PDE4D: variants seen among roughly 807,000 people sequenced by gnomAD.
The protein encoded by PDE4D is 3',5'-cyclic-AMP phosphodiesterase 4D.
Under a neutral mutation model 87.4 loss-of-function variants are expected in PDE4D, and 24 were observed. That is an observed-to-expected ratio of 0.27 (90% CI 0.20 to 0.39). The LOEUF is 0.39. Among genes scored for constraint, PDE4D ranks in the 10% least tolerant of loss-of-function variants. The pLI is 1.00. For synonymous variants in PDE4D, 384 were observed against 383.2 expected (o/e 1.00, Z -0.02); for missense variants, 714 against 1,041.0 (o/e 0.69, Z 4.32).
At chr5:59,418,113 T>C (rs1039413078) in intron 1 of PDE4D, among the ~76,000 whole-genome samples, 13 of 152,202 alleles carry the variant, frequency 8.5e-5, no homozygotes, top group African/African-American at 3.1e-4. Flanking sequence ...CTCCTTACTC[T>C]AGTCTTCTGG....
chr5:59,383,580 T>C (rs1786348299), intron 1 of PDE4D, among the ~76,000 whole-genome samples: 1 of 152,078 alleles, frequency 6.6e-6, no homozygotes. Flanking sequence ...TCCCTACCAC[T>C]CCATATAAGC....
intron 11 of PDE4D, among the ~76,000 whole-genome samples, chr5:58,983,570 G>GTAGTT (rs1380253021): frequency 6.6e-6 from 1 of 152,202 alleles, no homozygotes; most frequent in Non-Finnish European, 1.5e-5. Flanking sequence ...CAAAAGGAGA[G>GTAGTT]TAGTTAGTTA....
chr5:60,207,944 G>C (rs1742745020), intron 1 of PDE4D, among the ~76,000 whole-genome samples: 1 of 152,216 alleles, frequency 6.6e-6, no homozygotes, highest in Non-Finnish European at 1.5e-5. Context: ...CATTTCTGCT[G>C]CTGTGGGTAT....
chr5:59,385,748 G>A (rs1375183686), intron 1 of PDE4D, among the ~76,000 whole-genome samples: 1 of 152,130 alleles, frequency 6.6e-6, no homozygotes, highest in Non-Finnish European at 1.5e-5. Context: ...AACCCCAACT[G>A]AACCAGAAGA....
At chr5:60,258,057 C>T (rs140806039) in intron 1 of PDE4D, among the ~76,000 whole-genome samples, 56 of 152,100 alleles carry the variant, frequency 3.7e-4, no homozygotes, top group Admixed American at 6.6e-4. Flanking sequence ...ACTCGCCAGG[C>T]CTTGCTTTTG....
rs537985963 is a variant in PDE4D, at chr5:59,718,955, A to G, written c.455+174213T>C. On this transcript the variant is annotated intron_variant, in intron 1 of 14. Coordinates refer to ENST00000340635, the MANE Select transcript of PDE4D (RefSeq NM_001104631.2). Reference sequence around the variant, plus strand: ...TGAAAGGAGTTTAAATTGAAGTACAATAAAGGTACCTGCTCTCTTCTGTTA... The same window carrying G: ...TGAAAGGAGTTTAAATTGAAGTACAGTAAAGGTACCTGCTCTCTTCTGTTA... Among the ~76,000 whole-genome samples the G allele has an allele frequency of 2.0e-5, 3 of 152,202 alleles. No homozygotes were observed. The East Asian group carries it at 5.8e-4, about 29-fold the overall frequency.
At chr5:59,852,386 A>G (rs1744809792) in intron 1 of PDE4D, among the ~76,000 whole-genome samples, 1 of 152,076 alleles carries the variant, frequency 6.6e-6, no homozygotes, top group Admixed American at 6.6e-5. Flanking sequence ...TTAATCTCCT[A>G]TGGATCACGC....
chr5:58,992,677 T>C (rs1580151903), intron 7 of PDE4D, among the ~76,000 whole-genome samples: 1 of 152,288 alleles, frequency 6.6e-6, no homozygotes, highest in East Asian at 1.9e-4. Flanking sequence ...GTAAAAGACC[T>C]AAGATATCTT....
chr5:60,204,882 G>C (rs1562216396), intron 1 of PDE4D, among the ~76,000 whole-genome samples: 1 of 152,142 alleles, frequency 6.6e-6, no homozygotes, highest in Non-Finnish European at 1.5e-5. Context: ...CCATAAGGTG[G>C]GGATGATAGC....
intron 1 of PDE4D, among the ~76,000 whole-genome samples, chr5:59,323,113 A>C (rs1581953082): frequency 6.6e-6 from 1 of 152,262 alleles, no homozygotes; most frequent in East Asian, 1.9e-4. Flanking sequence ...CTAGCAATCT[A>C]GACTGTTATC....
At chr5:60,316,630 T>C (rs1313775297) in intron 1 of PDE4D, among the ~76,000 whole-genome samples, 1 of 152,206 alleles carries the variant, frequency 6.6e-6, no homozygotes, top group African/African-American at 2.4e-5. Flanking sequence ...GGGTTTGTCA[T>C]AGATAGCTCT....
chr5:60,004,562 T>C (rs1582136658), intron 2 of PDE4D, among the ~76,000 whole-genome samples: 1 of 152,100 alleles, frequency 6.6e-6, no homozygotes, highest in African/African-American at 2.4e-5. Context: ...AACCCACAGA[T>C]ACAAAGGGCT....
intron 4 of PDE4D, among the ~76,000 whole-genome samples, chr5:59,184,019 A>T (rs1742315637): frequency 6.6e-6 from 1 of 152,188 alleles, no homozygotes; most frequent in Non-Finnish European, 1.5e-5. Flanking sequence ...AAGGCACATC[A>T]CTTTGATTAG....
intron 1 of PDE4D, among the ~76,000 whole-genome samples, chr5:59,452,827 T>A (rs1799369805): frequency 1.3e-5 from 2 of 152,234 alleles, no homozygotes; most frequent in Admixed American, 6.5e-5. Context: ...TTTCTTCCAG[T>A]CCAAACTGTA....
At chr5:60,305,038 T>TATATAC (rs1554202216) in intron 1 of PDE4D, among the ~76,000 whole-genome samples, 2 of 135,846 alleles carry the variant, frequency 1.5e-5, no homozygotes, top group African/African-American at 5.1e-5. Context: ...TTTTGAGCTA[T>TATATAC]ACACACACAC....
Position 59,559,339 on chromosome 5 carries a change from C to A in PDE4D, c.455+333829G>T, listed in dbSNP as rs114302671. Among the ~76,000 whole-genome samples the A allele has an allele frequency of 2.6e-3, 403 of 152,280 alleles. 1 individual carries two copies. Among genetic ancestry groups the A allele is most frequent in the Middle Eastern group, 6.8e-3 (2 of 294 alleles). On this transcript the variant is annotated intron_variant, in intron 1 of 14. Coordinates refer to ENST00000340635, the MANE Select transcript of PDE4D (RefSeq NM_001104631.2). ...CTTGAAAATAGTATAATTCTTTCTT[C>A]ACATGAGCCATGTTATGATTTCCAG...
intron 3 of PDE4D, among the ~76,000 whole-genome samples, chr5:59,905,310 T>A (rs564527432): frequency 6.6e-6 from 1 of 152,216 alleles, no homozygotes; most frequent in Non-Finnish European, 1.5e-5. Context: ...TAGATTTATG[T>A]GCAAGTGGTC....
intron 1 of PDE4D, among the ~76,000 whole-genome samples, chr5:59,250,792 TAC>T (rs1295685343): frequency 6.6e-6 from 1 of 152,116 alleles, no homozygotes; most frequent in Non-Finnish European, 1.5e-5. Flanking sequence ...AATACAAGGA[TAC>T]AGTAACCATA....
intron 6 of PDE4D, among the ~76,000 whole-genome samples, chr5:58,998,996 G>A (rs35119819): frequency 0.1 from 15,322 of 152,072 alleles, 1,033 homozygotes; most frequent in Non-Finnish European, 0.13. Flanking sequence ...TTTCACTTTA[G>A]TATCACTTAC....
Sources: gnomAD v4.1 joint callset for allele counts (sites outside exome capture counted in the v4.1 genomes callset) on GRCh38, gnomAD v4.1.1 for gene constraint, MANE v1.5 for transcripts, NCBI Gene and HGNC (gene_info 2026-07-23, HGNC 2026-07-21) for gene names.